The following PDE1A variants were observed in gnomAD, a reference collection of about 807,000 sequenced individuals.
PDE1A encodes phosphodiesterase 1A.
Under a neutral mutation model 61.7 loss-of-function variants are expected in PDE1A, and 35 were observed. The ratio of observed to expected loss-of-function variants is 0.57; its 90% confidence interval spans 0.43 to 0.75. The LOEUF (loss-of-function observed/expected upper bound fraction) is 0.75. PDE1A is among the 30% of genes least tolerant of loss of function. PDE1A has a pLI of 0.00. For missense variants in PDE1A, 597 were observed against 630.6 expected, an observed-to-expected ratio of 0.95 and a Z score of 0.57; for synonymous variants, 232 against 213.2, an observed-to-expected ratio of 1.09 and a Z score of -0.77.
chr2:182,527,326 AAATATATATATATATATATATATAT>A (rs1413141213), upstream of PDE1A, among the ~76,000 whole-genome samples: 2 of 21,728 alleles, frequency 9.2e-5, no homozygotes, highest in African/African-American at 1.6e-4. Flanking sequence ...AAAAAAAAAA[AAATATATATATATATATATATATAT>A]ATATATATAT....
intron 2 of PDE1A, among the ~76,000 whole-genome samples, chr2:182,245,147 T>C (rs1233651422): frequency 6.6e-6 from 1 of 152,232 alleles, no homozygotes; most frequent in Non-Finnish European, 1.5e-5. Flanking sequence ...TGTACTATGC[T>C]ATCCCTGCCT....
At chr2:182,213,315 GA>G (rs1324683949) in intron 7 of PDE1A, among the ~76,000 whole-genome samples, 4 of 113,770 alleles carry the variant, frequency 3.5e-5, no homozygotes, top group African/African-American at 1.4e-4. Context: ...CAAAGATGGG[GA>G]AAAAACAGAA....
At chr2:182,201,254 C>A (rs917615105) in intron 10 of PDE1A, among the ~76,000 whole-genome samples, 185 bp downstream of exon 10, 20 of 152,104 alleles carry the variant, frequency 1.3e-4, no homozygotes, top group Admixed American at 5.2e-4. Flanking sequence ...AAACATGTAT[C>A]ACACTACATA....
chr2:182,393,264 C>T (rs965199598), intron 1 of PDE1A, among the ~76,000 whole-genome samples: 9 of 152,242 alleles, frequency 5.9e-5, no homozygotes, highest in African/African-American at 1.4e-4. Flanking sequence ...TTGGGGCTTG[C>T]ACCCTCTGAA....
At chr2:182,490,984 T>C (rs1688353781) in intron 2 of PDE1A, among the ~76,000 whole-genome samples, 2 of 152,134 alleles carry the variant, frequency 1.3e-5, no homozygotes, top group Admixed American at 1.3e-4. Flanking sequence ...AGGAAGCATC[T>C]GAGGTTTGAG....
chr2:182,171,899 T>C (rs1396782079), intron 13 of PDE1A, among the ~76,000 whole-genome samples: 2 of 151,840 alleles, frequency 1.3e-5, no homozygotes, highest in African/African-American at 4.8e-5. Flanking sequence ...CATTATTACC[T>C]CTACTTCCCA....
intron 1 of PDE1A, among the ~76,000 whole-genome samples, chr2:182,330,904 G>A (rs912620631): frequency 6.6e-6 from 1 of 152,036 alleles, no homozygotes; most frequent in Non-Finnish European, 1.5e-5. Context: ...TGGCCCCATA[G>A]GGAAATCTTG....
chr2:182,554,987 G>A, the PDE1A span, among the ~76,000 whole-genome samples: 3 of 152,200 alleles, frequency 2.0e-5, no homozygotes, highest in Admixed American at 2.0e-4. Context: ...CAGAGAAATA[G>A]TTGAAATATT....
chr2:182,226,427 C>T (rs894920773), intron 6 of PDE1A, among the ~76,000 whole-genome samples: 5 of 149,724 alleles, frequency 3.3e-5, no homozygotes, highest in Non-Finnish European at 5.9e-5. Flanking sequence ...TCATTAAGTT[C>T]CACTACAAAC....
chr2:182,391,255 A>G (rs1701404934), intron 1 of PDE1A, among the ~76,000 whole-genome samples: 1 of 152,070 alleles, frequency 6.6e-6, no homozygotes, highest in African/African-American at 2.4e-5. Flanking sequence ...TTATATTGAT[A>G]TGGGCCCTCC....
the PDE1A span, among the ~76,000 whole-genome samples, chr2:182,616,958 T>C: frequency 6.6e-6 from 1 of 152,206 alleles, no homozygotes; most frequent in Non-Finnish European, 1.5e-5. Context: ...CCAGACTTCC[T>C]CCAAAGGAAA....
chr2:182,609,413 C>G, the PDE1A span, among the ~76,000 whole-genome samples: 1 of 152,226 alleles, frequency 6.6e-6, no homozygotes, highest in Non-Finnish European at 1.5e-5. Flanking sequence ...AAGCTTTGTT[C>G]TTTTGCTCTT....
intron 7 of PDE1A, among the ~76,000 whole-genome samples, chr2:182,221,077 C>A (rs1688684172): frequency 6.6e-6 from 1 of 151,656 alleles, no homozygotes; most frequent in Non-Finnish European, 1.5e-5. Context: ...CCCCATCTAC[C>A]CCTTCTTGTC....
rs1692386430 is a variant in PDE1A, at chr2:182,263,578, G to A, written c.167+723C>T. Among the ~76,000 whole-genome samples the A allele has an allele frequency of 2.0e-5, 3 of 152,210 alleles. No individual in the cohort carries two copies. In the South Asian group the frequency reaches 6.2e-4, roughly 32 times the overall value. The stretch of plus-strand genomic sequence containing the variant: ...CTCTCTCCCCACAGGTTCCCTCTTA[G>A]CTCTGAATTCACAGGTAGCCCTGAT... On this transcript the variant is annotated intron_variant, in intron 2 of 13. Coordinates refer to ENST00000351439, the Ensembl canonical transcript of PDE1A.
chr2:182,243,602 T>C (rs1253660776), intron 2 of PDE1A, among the ~76,000 whole-genome samples: 1 of 152,168 alleles, frequency 6.6e-6, no homozygotes, highest in Non-Finnish European at 1.5e-5. Context: ...ATATTTGCAA[T>C]GGCAGGTCAT....
At chr2:182,591,574 G>A in the PDE1A span, among the ~76,000 whole-genome samples, 2 of 152,092 alleles carry the variant, frequency 1.3e-5, no homozygotes, top group Non-Finnish European at 2.9e-5. Context: ...TCTGGGTTGT[G>A]TAATTCTTCA....
chr2:182,548,577 T>G, the PDE1A span, among the ~76,000 whole-genome samples: 1 of 152,124 alleles, frequency 6.6e-6, no homozygotes, highest in African/African-American at 2.4e-5. Context: ...TTCCACAGAT[T>G]TTTAAGAATT....
chr2:182,186,494 G>A (rs748224570), exon 12 of PDE1A: 13 of 1,612,466 alleles, frequency 8.1e-6, no homozygotes, highest in Admixed American at 5.0e-5. Flanking sequence ...AAGAAGTTTC[G>A]GCTTTTGAGG....
chr2:182,195,275 C>A (rs1369674304), intron 10 of PDE1A, among the ~76,000 whole-genome samples: 1 of 152,022 alleles, frequency 6.6e-6, no homozygotes, highest in Non-Finnish European at 1.5e-5. Context: ...ATAACAAATA[C>A]CACCAATTCC....
Sources: gnomAD v4.1 joint callset for allele counts (sites outside exome capture counted in the v4.1 genomes callset) on GRCh38, gnomAD v4.1.1 for gene constraint, MANE v1.5 for transcripts, NCBI Gene and HGNC (gene_info 2026-07-23, HGNC 2026-07-21) for gene names.